The following TMEM9B variants were observed in gnomAD, a reference collection of about 807,000 sequenced individuals.
TMEM9B encodes TMEM9 domain family member B.
In TMEM9B, 8 loss-of-function variants were observed where a neutral mutation model predicts 23.5. The observed-to-expected ratio is 0.34, with a 90% confidence interval of 0.20 to 0.61. The LOEUF is 0.61. TMEM9B is among the 20% of genes least tolerant of loss of function. TMEM9B has a pLI of 0.78. For missense variants in TMEM9B, 197 were observed against 252.3 expected, an observed-to-expected ratio of 0.78 and a Z score of 1.49; for synonymous variants, 106 against 96.3, an observed-to-expected ratio of 1.10 and a Z score of -0.59.
chr11:8,963,818 G>A (rs1467659156), intron 1 of TMEM9B, among the ~76,000 whole-genome samples: 1 of 152,136 alleles, frequency 6.6e-6, no homozygotes, highest in African/African-American at 2.4e-5. Flanking sequence ...GGCCTGTGAG[G>A]CTGGCGGAGG....
At chr11:8,958,773 GT>G (rs1191344531) in intron 2 of TMEM9B, among the ~76,000 whole-genome samples, 1 of 151,950 alleles carries the variant, frequency 6.6e-6, no homozygotes, top group East Asian at 1.9e-4. Flanking sequence ...GTTTTTCCAT[GT>G]TGGTCAGGCT....
At chr11:8,963,666 A>T (rs1431376950) in intron 1 of TMEM9B, among the ~76,000 whole-genome samples, 2 of 152,202 alleles carry the variant, frequency 1.3e-5, no homozygotes, top group African/African-American at 2.4e-5. Context: ...CGTAGGCCCT[A>T]TTGGGAGGGA....
chr11:8,964,607 C>A (rs1854165751), upstream of TMEM9B: 2 of 591,368 alleles, frequency 3.4e-6, no homozygotes, highest in South Asian at 5.9e-5. Flanking sequence ...AGCCTGGGCC[C>A]AGTAGAGCTT....
intron 2 of TMEM9B, among the ~76,000 whole-genome samples, chr11:8,958,419 G>A (rs985277771): frequency 6.6e-6 from 1 of 150,804 alleles, no homozygotes; most frequent in African/African-American, 2.4e-5. Flanking sequence ...CCGAGATCGC[G>A]CCATTGCACT....
chr11:8,964,188 G>A, intron 1 of TMEM9B, 21 bp downstream of exon 1: 1 of 1,556,502 alleles, frequency 6.4e-7, no homozygotes, highest in Middle Eastern at 1.7e-4. Context: ...TCCGTCAGGA[G>A]CGAGGCTGGG....
chr11:8,956,060 A>G, intron 3 of TMEM9B, 130 bp downstream of exon 3: 1 of 664,600 alleles, frequency 1.5e-6, no homozygotes, highest in Non-Finnish European at 2.5e-6. Flanking sequence ...TCAGTGAGGC[A>G]GGCAGAACAG....
intron 4 of TMEM9B, chr11:8,952,929 G>A (rs1853910912): frequency 1.7e-6 from 1 of 577,696 alleles, no homozygotes; most frequent in East Asian, 2.8e-5. Context: ...AATGTAAACA[G>A]GGAATGGCAA....
rs1435369304 is a variant in TMEM9B at position 8,953,226 on chromosome 11, T to C, written c.418A>G (p.Ile140Val). 6.2e-7 allele frequency: 1 copy of C among 1,614,116 alleles called. No individual in the cohort carries two copies. Among genetic ancestry groups the C allele is most frequent in the Admixed American group, 1.7e-5 (1 of 60,012 alleles). Residue 140 changes from isoleucine to valine, a missense_variant, in exon 4 of 5, where the codon ATA becomes GTA. Physicochemically the swap from Ile to Val is conservative, Grantham distance 29. Around this residue, in one of 2 missense-constraint regions of TMEM9B, gnomAD observed 141 missense variants for 214.1 expected, o/e 0.66. Coordinates refer to ENST00000534025, the MANE Select transcript of TMEM9B (RefSeq NM_020644.3). ...KRRLFGHAQL[I>V]QSDDDIGDHQ... ...ACCCCAATATCATCATCACTCTGTA[T>C]CAACTGTGCATGTCCAAAGAGGCGC...
chr11:8,963,990 C>A, intron 1 of TMEM9B: 1 of 561,860 alleles, frequency 1.8e-6, no homozygotes, highest in Non-Finnish European at 3.1e-6. Context: ...CTGGGGACGA[C>A]CGTGGGGCGC....
intron 4 of TMEM9B, chr11:8,952,985 C>T: frequency 1.6e-6 from 1 of 636,298 alleles, no homozygotes; most frequent in Non-Finnish European, 2.8e-6. Context: ...GTATAGCATG[C>T]TCACCAAAGA....
rs377559029 is a variant in TMEM9B at position 8,956,243 on chromosome 11, A to G, written c.253T>C (p.Tyr85His). The change falls in exon 3 of 5, where the codon TAC becomes CAC. Residue 85 changes from tyrosine to histidine, a missense_variant. This residue lies in a region of TMEM9B where 141 missense variants were observed against 214.1 expected (regional missense o/e 0.66). Transcript: ENST00000534025. Reference protein sequence around the residue: ...MPVRGPDVEAYCLRCECKYEE... With the variant: ...MPVRGPDVEAHCLRCECKYEE... ...TATTTGCATTCACAGCGTAGACAGT[A>G]TGCTTCTACATCAGGCCCCCGCACA... 4 of 1,613,802 alleles carry G rather than the reference A, an allele frequency of 2.5e-6. No individual in the cohort carries two copies. The highest frequency in any genetic ancestry group is 3.4e-6 in the Non-Finnish European group (4 of 1,180,032).
chr11:8,963,400 A>G (rs971238348), intron 1 of TMEM9B, among the ~76,000 whole-genome samples: 5 of 152,184 alleles, frequency 3.3e-5, no homozygotes, highest in Non-Finnish European at 7.4e-5. Flanking sequence ...TTCTCCCCCA[A>G]TGATGAGCTA....
intron 4 of TMEM9B, among the ~76,000 whole-genome samples, chr11:8,952,302 CAT>C (rs1368801222): frequency 7.7e-6 from 1 of 130,688 alleles, no homozygotes; most frequent in African/African-American, 3.0e-5. Flanking sequence ...TATATATAAA[CAT>C]ATATAATGTA....
chr11:8,954,637 G>T (rs921186602), intron 3 of TMEM9B, among the ~76,000 whole-genome samples: 1 of 152,082 alleles, frequency 6.6e-6, no homozygotes, highest in Non-Finnish European at 1.5e-5. Context: ...TTATAGAATT[G>T]TATACTTATA....
At chr11:8,952,261 CA>C (rs1853894397) in intron 4 of TMEM9B, among the ~76,000 whole-genome samples, 1 of 74,248 alleles carries the variant, frequency 1.3e-5, no homozygotes, top group Non-Finnish European at 3.7e-5. Context: ...CACACACACA[CA>C]CACACACACA....
Position 8,964,369 on chromosome 11 carries a change from G to GGCTCA in TMEM9B, c.-57_-56insTGAGC, listed in dbSNP as rs1854152452. ...AGCCCCCGCGACCGGCTCCCGGCTC[G>GGCTCA]GGCTCAGGCTCAGGCTCAGGCTCAG... On this transcript the variant is annotated 5_prime_UTR_variant, in exon 1 of 5. Transcript: ENST00000534025. 6.6e-6 allele frequency: 10 copies of GGCTCA among 1,516,026 alleles called. No individual in the cohort carries two copies. In the African/African-American group the frequency reaches 1.0e-4, roughly 15 times the overall value. 93.9% of individuals were successfully genotyped at this position (1,516,026 alleles called of 1,614,324 possible).
Position 8,953,348 on chromosome 11 carries a change from T to C in TMEM9B, c.307-11A>G, listed in dbSNP as rs748175533. ...AATTATAATGGTAACCTAAAGGAAA[T>C]TGAAAATTAAGTTACATCTTTGTTC... On this transcript the variant is annotated splice_polypyrimidine_tract_variant and intron_variant, in intron 3 of 4. Coordinates refer to ENST00000534025, the MANE Select transcript of TMEM9B (RefSeq NM_020644.3). 17 of 1,611,072 alleles carry C rather than the reference T, an allele frequency of 1.1e-5. No individual in the cohort carries two copies. Among genetic ancestry groups the C allele is most frequent in the Middle Eastern group, 3.7e-4 (2 of 5,344 alleles).
intron 2 of TMEM9B, 30 bp from the exon 3 acceptor site, chr11:8,956,328 A>G: frequency 6.3e-7 from 1 of 1,591,642 alleles, no homozygotes; most frequent in Admixed American, 1.7e-5. Flanking sequence ...ATGCTGCTTA[A>G]GCCCAGCTAG....
chr11:8,952,404 T>G lies in TMEM9B; in HGVS notation c.441+799A>C, dbSNP rs532318114. On this transcript the variant is annotated intron_variant, in intron 4 of 4. Coordinates refer to ENST00000534025, the MANE Select transcript of TMEM9B (RefSeq NM_020644.3). The stretch of plus-strand genomic sequence containing the variant: ...TCATGGTTTTATTTTTCTCTAAAGA[T>G]CTCAGATTTTTTTTTTCTTTTTTTT... Among the ~76,000 whole-genome samples, 116 of 151,874 alleles carry G rather than the reference T, an allele frequency of 7.6e-4. 3 individuals are homozygous for G. The South Asian group carries it at 0.023, about 30-fold the overall frequency.
Sources: gnomAD v4.1 joint callset for allele counts (sites outside exome capture counted in the v4.1 genomes callset) on GRCh38, gnomAD v4.1.1 for gene constraint, gnomAD v4.1.1 regional missense constraint, MANE v1.5 for transcripts, NCBI Gene and HGNC (gene_info 2026-07-23, HGNC 2026-07-21) for gene names.